GNAI1: variants seen among roughly 807,000 people sequenced by gnomAD.
GNAI1 encodes G protein subunit alpha i1, also known as guanine nucleotide-binding protein G(i) subunit alpha-1.
In GNAI1, 11 loss-of-function variants were observed where a neutral mutation model predicts 38.9. That is an observed-to-expected ratio of 0.28 (90% CI 0.18 to 0.47). The LOEUF (loss-of-function observed/expected upper bound fraction) is 0.47, where lower values mean the gene tolerates loss of function less well. GNAI1 is among the 20% of genes least tolerant of loss of function. The pLI is 0.99. For synonymous variants in GNAI1, 166 were observed against 145.1 expected (o/e 1.14, Z -1.04); for missense variants, 317 against 436.9 (o/e 0.73, Z 2.45).
intron 1 of GNAI1, among the ~76,000 whole-genome samples, chr7:80,184,201 C>T (rs982763207): frequency 1.3e-5 from 2 of 152,010 alleles, no homozygotes; most frequent in Non-Finnish European, 2.9e-5. Flanking sequence ...GTAGGGAGAC[C>T]GAGAAGTTTT....
At chr7:80,152,466 T>G (rs139670964) in intron 1 of GNAI1, among the ~76,000 whole-genome samples, 1 of 152,078 alleles carries the variant, frequency 6.6e-6, no homozygotes, top group African/African-American at 2.4e-5. Context: ...GTTATGCATA[T>G]CCATTGAAAT....
At chr7:80,194,031 A>T (rs762321991) in intron 3 of GNAI1, among the ~76,000 whole-genome samples, 1 of 152,028 alleles carries the variant, frequency 6.6e-6, no homozygotes, top group Middle Eastern at 3.2e-3. Context: ...TACTTTCATT[A>T]GTTAGTTTGT....
At chr7:80,148,975 T>C (rs1440666036) in intron 1 of GNAI1, among the ~76,000 whole-genome samples, 4 of 152,082 alleles carry the variant, frequency 2.6e-5, no homozygotes, top group African/African-American at 9.7e-5. Flanking sequence ...ATATGCAGTA[T>C]CAGTGTAGAA....
intron 1 of GNAI1, among the ~76,000 whole-genome samples, chr7:80,139,010 C>G (rs578251045): frequency 1.3e-5 from 2 of 152,198 alleles, no homozygotes; most frequent in South Asian, 2.1e-4. Flanking sequence ...CTATGCAGGG[C>G]TTTTGATTTT....
At chr7:80,217,201 T>TATGAAACTGACTTCAGTTTCATATGG in intron 7 of GNAI1, 102 bp from the exon 8 acceptor site, 1 of 704,714 alleles carries the variant, frequency 1.4e-6, no homozygotes, top group East Asian at 2.8e-5. Context: ...AATGAAACTG[T>TATGAAACTGACTTCAGTTTCATATGG]ATGAAACTGA....
In GNAI1 at chr7:80,218,322, A is replaced by T. The variant is rs1204010533; in HGVS notation, c.*829A>T. 6.6e-6 allele frequency: 1 copy of T among 152,096 alleles called. No individual in the cohort carries two copies. Among genetic ancestry groups the T allele is most frequent in the Non-Finnish European group, 1.5e-5 (1 of 67,990 alleles). The allele number at this position is 152,096 out of a possible 1,614,324, so 9.4% of individuals were successfully genotyped here. The stretch of plus-strand genomic sequence containing the variant: ...ACTTGTTTTCACTCTGAATTTTAAT[A>T]TTTGGCTGATATGAATGCATTGCCT... On this transcript the variant is annotated 3_prime_UTR_variant, in exon 8 of 8. Transcript: ENST00000649796.
chr7:80,160,200 A>C (rs2116126185), intron 1 of GNAI1, among the ~76,000 whole-genome samples: 1 of 123,768 alleles, frequency 8.1e-6, no homozygotes, highest in South Asian at 2.5e-4. Context: ...GTTATTTTAG[A>C]CAGTTTTTTT....
intron 3 of GNAI1, among the ~76,000 whole-genome samples, chr7:80,198,621 C>T (rs1562840507): frequency 6.6e-6 from 1 of 152,158 alleles, no homozygotes; most frequent in Non-Finnish European, 1.5e-5. Flanking sequence ...ATTAGCAAAA[C>T]ACCTGCTCCC....
At chr7:80,194,792 G>A (rs1372840155) in intron 3 of GNAI1, among the ~76,000 whole-genome samples, 2 of 151,940 alleles carry the variant, frequency 1.3e-5, no homozygotes, top group East Asian at 3.9e-4. Flanking sequence ...CTATGGATCT[G>A]CCTTCATAGT....
rs1244380826 is a variant in GNAI1 at position 80,222,409 on chromosome 7, CAG to C, written c.*4919_*4920del. ...TTTTTTTTTTTTTTTTTTCCTGAGA[CAG>C]AGTTTCGTTCTTGTTTCCCAGGCTG... On this transcript the variant is annotated 3_prime_UTR_variant, in exon 8 of 8. Transcript: ENST00000649796. Among the ~76,000 whole-genome samples, 5 of 117,884 alleles carry C rather than the reference CAG, an allele frequency of 4.2e-5. No individual in the cohort carries two copies. Among genetic ancestry groups the C allele is most frequent in the East Asian group, 2.2e-4 (1 of 4,462 alleles). 77.3% of individuals were successfully genotyped at this position (117,884 alleles called of 152,430 possible).
At chr7:80,196,076 A>G (rs1230569582) in intron 3 of GNAI1, among the ~76,000 whole-genome samples, 1 of 151,990 alleles carries the variant, frequency 6.6e-6, no homozygotes, top group African/African-American at 2.4e-5. Context: ...CTAAATAAGT[A>G]CAGCATGCCA....
chr7:80,176,028 C>A (rs1013936958), intron 1 of GNAI1, among the ~76,000 whole-genome samples: 1 of 152,186 alleles, frequency 6.6e-6, no homozygotes, highest in Non-Finnish European at 1.5e-5. Context: ...AGTGCTGTTG[C>A]ACCTGAGATA....
intron 3 of GNAI1, among the ~76,000 whole-genome samples, chr7:80,194,711 C>T (rs929091537): frequency 1.8e-4 from 27 of 151,996 alleles, no homozygotes; most frequent in African/African-American, 1.2e-4. Context: ...TTGGATTAAT[C>T]GTATCTTTTC....
chr7:80,175,982 A>G (rs1788176576), intron 1 of GNAI1, among the ~76,000 whole-genome samples: 1 of 152,228 alleles, frequency 6.6e-6, no homozygotes, highest in Non-Finnish European at 1.5e-5. Context: ...GATTAAGCTT[A>G]GTGAGGAAGT....
At chr7:80,152,795 T>TCTCCTGAC (rs1345125106) in intron 1 of GNAI1, among the ~76,000 whole-genome samples, 1 of 151,692 alleles carries the variant, frequency 6.6e-6, no homozygotes, top group African/African-American at 2.4e-5. Context: ...GATCTCCTGA[T>TCTCCTGAC]CTCCTGACCT....
chr7:80,200,324 CAAAAA>C (rs59511755), intron 4 of GNAI1, among the ~76,000 whole-genome samples: 14 of 40,376 alleles, frequency 3.5e-4, no homozygotes, highest in African/African-American at 1.2e-3. Flanking sequence ...GGCCATGTCT[CAAAAA>C]AAAAAAAAAA....
intron 7 of GNAI1, among the ~76,000 whole-genome samples, chr7:80,213,640 G>A (rs879719541): frequency 4.6e-5 from 7 of 152,058 alleles, no homozygotes; most frequent in Admixed American, 3.3e-4. Context: ...ACTGCCCCCT[G>A]CACCCACCAC....
chr7:80,138,535 AT>A (rs200190233), intron 1 of GNAI1, among the ~76,000 whole-genome samples: 2,017 of 152,216 alleles, frequency 0.013, 47 homozygotes, highest in African/African-American at 0.045. Context: ...TGAGGAAATT[AT>A]TTTTTATTGT....
chr7:80,142,654 G>T (rs1195833644), intron 1 of GNAI1, among the ~76,000 whole-genome samples: 1 of 152,152 alleles, frequency 6.6e-6, no homozygotes, highest in African/African-American at 2.4e-5. Flanking sequence ...CATTAATTTT[G>T]ACTAGTTTTC....
Sources: gnomAD v4.1 joint callset for allele counts (sites outside exome capture counted in the v4.1 genomes callset) on GRCh38, gnomAD v4.1.1 for gene constraint, MANE v1.5 for transcripts, NCBI Gene and HGNC (gene_info 2026-07-23, HGNC 2026-07-21) for gene names.